The following ADAM18 variants were observed in gnomAD, a reference collection of about 807,000 sequenced individuals.
ADAM18 encodes disintegrin and metalloproteinase domain-containing protein 18.
In ADAM18, 117 loss-of-function variants were observed where a neutral mutation model predicts 94.4. That is an observed-to-expected ratio of 1.24 (90% confidence interval 1.07 to 1.45). ADAM18 has a LOEUF of 1.45. Ranked by LOEUF, ADAM18 falls within the 40% of genes most tolerant of loss-of-function variation. The pLI is 0.00. For missense variants in ADAM18, 936 were observed against 880.0 expected (o/e 1.06, Z -0.81); for synonymous variants, 327 against 291.6 (o/e 1.12, Z -1.24).
At chr8:39,650,116 T>C (rs944941136) in intron 12 of ADAM18, among the ~76,000 whole-genome samples, 24 of 152,170 alleles carry the variant, frequency 1.6e-4, no homozygotes, top group African/African-American at 5.3e-4. Context: ...GAAAGTTAAA[T>C]GAAATGAAAA....
intron 6 of ADAM18, among the ~76,000 whole-genome samples, chr8:39,612,132 G>GA (rs562746786): frequency 0.088 from 12,713 of 144,232 alleles, 682 homozygotes; most frequent in Non-Finnish European, 0.12. Flanking sequence ...CTTAATTAGT[G>GA]AAAAAAAAAA....
At chr8:39,714,343 A>T (rs796452829) in intron 18 of ADAM18, among the ~76,000 whole-genome samples, 1 of 152,132 alleles carries the variant, frequency 6.6e-6, no homozygotes, top group Admixed American at 6.6e-5. Flanking sequence ...AATGTAAATG[A>T]TGAGTTGATG....
chr8:39,642,576 A>G (rs562497837), intron 10 of ADAM18, among the ~76,000 whole-genome samples: 1 of 151,696 alleles, frequency 6.6e-6, no homozygotes, highest in South Asian at 2.1e-4. Context: ...GGCCTGTGGT[A>G]TTATTTCTGG....
intron 18 of ADAM18, among the ~76,000 whole-genome samples, chr8:39,714,479 G>T (rs1354157332): frequency 6.6e-6 from 1 of 151,956 alleles, no homozygotes; most frequent in Non-Finnish European, 1.5e-5. Context: ...TATATCAGAA[G>T]AAATTTAATA....
At chr8:39,696,087 C>T (rs982033015) in intron 17 of ADAM18, among the ~76,000 whole-genome samples, 2 of 151,378 alleles carry the variant, frequency 1.3e-5, no homozygotes, top group Non-Finnish European at 3.0e-5. Flanking sequence ...TAATAACCAT[C>T]TTAATAGTTG....
chr8:39,703,442 C>T (rs927641193), intron 17 of ADAM18, among the ~76,000 whole-genome samples: 1 of 151,944 alleles, frequency 6.6e-6, no homozygotes, highest in African/African-American at 2.4e-5. Flanking sequence ...GAATAATTTA[C>T]CTTCCTTTCT....
intron 6 of ADAM18, among the ~76,000 whole-genome samples, chr8:39,627,027 A>G (rs1009086844): frequency 6.6e-6 from 1 of 152,214 alleles, no homozygotes; most frequent in South Asian, 2.1e-4. Context: ...GTTGCTGTCT[A>G]TCTCTTTTCA....
chr8:39,618,041 G>C (rs73605952), intron 6 of ADAM18, among the ~76,000 whole-genome samples: 5,425 of 152,156 alleles, frequency 0.036, 245 homozygotes, highest in African/African-American at 0.11. Context: ...CCTATTTGAC[G>C]CCTCCAAAGA....
chr8:39,688,371 T>A (rs1465345606), intron 16 of ADAM18, among the ~76,000 whole-genome samples: 2 of 152,100 alleles, frequency 1.3e-5, no homozygotes, highest in African/African-American at 4.8e-5. Context: ...TTTTCTGAAC[T>A]TCTCCCTCCT....
intron 18 of ADAM18, among the ~76,000 whole-genome samples, chr8:39,720,302 G>A (rs1822711396): frequency 6.6e-6 from 1 of 151,442 alleles, no homozygotes; most frequent in African/African-American, 2.4e-5. Flanking sequence ...GACTGCCTGT[G>A]TGGGGAGTAG....
intron 11 of ADAM18, among the ~76,000 whole-genome samples, chr8:39,646,164 C>T (rs780169226): frequency 2.6e-5 from 4 of 152,116 alleles, no homozygotes; most frequent in Non-Finnish European, 5.9e-5. Context: ...CTACCCAGAA[C>T]CTCTGTCATC....
intron 14 of ADAM18, among the ~76,000 whole-genome samples, chr8:39,674,681 A>G (rs559310076): frequency 4.9e-4 from 75 of 152,150 alleles, no homozygotes; most frequent in Non-Finnish European, 7.6e-4. Context: ...TTCACTGGTT[A>G]TTTTTCCCAT....
Position 39,723,865 on chromosome 8 carries a change from A to G in ADAM18, c.2135A>G (p.Glu712Gly). ...VFTTVIFKRN[E>G]ISKSCNRENA... The stretch of plus-strand genomic sequence containing the variant: ...ACCACTGTGATCTTTAAAAGAAATG[A>G]AATAAGTAAATCATGTAACAGAGAG... The change falls in exon 19 of 20, where the codon GAA (glutamate) becomes GGA (glycine). Residue 712 changes from glutamate to glycine, a missense_variant. Glu to Gly is a moderately conservative substitution (Grantham distance 98). Coordinates refer to ENST00000265707, the MANE Select transcript of ADAM18 (RefSeq NM_014237.3). 4.5e-6 allele frequency: 7 copies of G among 1,567,150 alleles called. No individual in the cohort carries two copies. Among genetic ancestry groups the G allele is most frequent in the East Asian group, 4.7e-5 (2 of 43,000 alleles).
intron 17 of ADAM18, among the ~76,000 whole-genome samples, chr8:39,694,909 C>G (rs1364971916): frequency 6.6e-6 from 1 of 151,382 alleles, no homozygotes; most frequent in Non-Finnish European, 1.5e-5. Flanking sequence ...CAGTATCATA[C>G]AGAATAGTTT....
intron 17 of ADAM18, among the ~76,000 whole-genome samples, chr8:39,704,014 A>G (rs1822158330): frequency 1.3e-5 from 2 of 152,182 alleles, no homozygotes. Flanking sequence ...TGAACAAAGA[A>G]GAAATTGAAT....
rs760378572 is a variant in ADAM18 at position 39,637,676 on chromosome 8, G to A, written c.800G>A (p.Arg267Gln). 1.1e-5 allele frequency: 18 copies of A among 1,610,052 alleles called. No homozygotes were observed. The highest frequency in any genetic ancestry group is 6.7e-5 in the African/African-American group (5 of 74,690). The change falls in exon 9 of 20, where the codon CGG becomes CAG. Residue 267 changes from arginine to glutamine, a missense_variant. Physicochemically the swap from Arg to Gln is conservative, Grantham distance 43. Coordinates refer to ENST00000265707, the MANE Select transcript of ADAM18 (RefSeq NM_014237.3). Reference sequence around the variant, plus strand: ...TGGAAACGGGACTATCTCATCCTACGGCCCCATGACATAGCATACTTACTT... The same window carrying A: ...TGGAAACGGGACTATCTCATCCTACAGCCCCATGACATAGCATACTTACTT... ...LAWKRDYLIL[R>Q]PHDIAYLLVY...
At chr8:39,622,344 A>C (rs1219648378) in intron 6 of ADAM18, among the ~76,000 whole-genome samples, 2 of 150,208 alleles carry the variant, frequency 1.3e-5, no homozygotes, top group African/African-American at 2.4e-5. Flanking sequence ...GGCCTCTAGA[A>C]AGATTCCATT....
chr8:39,674,335 ATAGT>A (rs1302111420), intron 14 of ADAM18, among the ~76,000 whole-genome samples: 6 of 152,100 alleles, frequency 3.9e-5, no homozygotes, highest in East Asian at 1.9e-4. Flanking sequence ...TATATTTAAG[ATAGT>A]TAGTTCTTCT....
chr8:39,681,929 A>G (rs1821473218), intron 16 of ADAM18, among the ~76,000 whole-genome samples: 2 of 152,196 alleles, frequency 1.3e-5, no homozygotes, highest in African/African-American at 4.8e-5. Flanking sequence ...AATTGAAGGA[A>G]CTGTTAAATA....
Sources: gnomAD v4.1 joint callset for allele counts (sites outside exome capture counted in the v4.1 genomes callset) on GRCh38, gnomAD v4.1.1 for gene constraint, MANE v1.5 for transcripts, NCBI Gene and HGNC (gene_info 2026-07-23, HGNC 2026-07-21) for gene names.